Variants in ARL6IP4 observed in about 807,000 individuals in gnomAD.
ARL6IP4 encodes the protein ADP-ribosylation factor-like protein 6-interacting protein 4.
A neutral mutation model predicts 28.1 loss-of-function variants in ARL6IP4; 24 were observed. The ratio of observed to expected loss-of-function variants is 0.86; its 90% CI spans 0.62 to 1.20. The LOEUF is 1.20. Among genes scored for constraint, ARL6IP4 ranks in the 50% most tolerant of loss-of-function variants. The pLI is 0.00. For synonymous variants in ARL6IP4, 162 were observed against 122.3 expected (o/e 1.32, Z -2.14); for missense variants, 343 against 302.4 (o/e 1.13, Z -1.00).
At chr12:122,981,440 G>T in intron 2 of ARL6IP4, 131 bp from the exon 3 acceptor site, 1 of 1,368,948 alleles carries the variant, frequency 7.3e-7, no homozygotes, top group South Asian at 1.5e-5. Context: ...AGCCAGGAAG[G>T]GGCTCCTCTG....
In ARL6IP4 at chr12:122,981,319, G is replaced by C; in HGVS notation, c.160+20G>C. On this transcript the variant is annotated intron_variant, in intron 2 of 5. Transcript: ENST00000315580. ...CGGAGGGTGAGGACCACAGGCATCG[G>C]GGAGAGGAGGCGCAGTTACTACCCG... The C allele has an allele frequency of 1.3e-6, 2 of 1,534,058 alleles. No individual in the cohort carries two copies. Among genetic ancestry groups the C allele is most frequent in the Non-Finnish European group, 1.8e-6 (2 of 1,137,556 alleles).
Position 122,982,656 on chromosome 12 carries a change from C to A in ARL6IP4, c.694C>A (p.Arg232=), listed in dbSNP as rs547980550. The A allele has an allele frequency of 1.2e-6, 2 of 1,613,978 alleles. No individual in the cohort carries two copies. Among genetic ancestry groups the A allele is most frequent in the Admixed American group, 1.7e-5 (1 of 60,034 alleles). ...AGGGGACTGCCTGGCCTTCCAGATG[C>A]GAGCTGGGTTGCTTCCCTGAGGGCC... ...TRGDCLAFQM[R]AGLLP is the part of the protein sequence containing the mutation. Residue 232 remains arginine, a synonymous_variant, in exon 6 of 6, where the codon CGA becomes AGA. Coordinates refer to ENST00000315580, the MANE Select transcript of ARL6IP4 (RefSeq NM_018694.4).
chr12:122,980,568 G>A, upstream of ARL6IP4: 2 of 1,367,216 alleles, frequency 1.5e-6, no homozygotes. Flanking sequence ...GCCCCTGCTT[G>A]CCTCTGCGGG....
At chr12:122,980,251 C>G, upstream of ARL6IP4, 3 of 1,236,988 alleles carry the variant, frequency 2.4e-6, no homozygotes, top group Non-Finnish European at 3.0e-6. Flanking sequence ...GGCTTCCTTC[C>G]GGATGGGCCT....
intron 4 of ARL6IP4, 152 bp downstream of exon 4, chr12:122,982,226 C>T (rs1260622735): frequency 2.1e-6 from 2 of 946,028 alleles, no homozygotes; most frequent in Non-Finnish European, 1.6e-6. Flanking sequence ...TAAGTAGTTG[C>T]AGGGGCTGGA....
rs775081203 is a variant in ARL6IP4 at position 122,981,640 on chromosome 12, C to T, written c.230C>T (p.Ser77Phe). 4.5e-6 allele frequency: 7 copies of T among 1,559,722 alleles called. No homozygotes were observed. Among genetic ancestry groups the T allele is most frequent in the Admixed American group, 3.8e-5 (2 of 52,806 alleles). ...KARRRTRSSS[S>F]SSSSSSSSSS... ...CGGAGGAGAACAAGATCCAGCTCCTCCTCCTCTTCTTCCAGTTCTTCTAGC... is the reference window on the plus strand; with the variant it reads ...CGGAGGAGAACAAGATCCAGCTCCTTCTCCTCTTCTTCCAGTTCTTCTAGC... The change falls in exon 3 of 6, where the codon TCC becomes TTC. Residue 77 changes from serine to phenylalanine, a missense_variant. Physicochemically the swap from Ser to Phe is radical, Grantham distance 155. Transcript: ENST00000315580.
chr12:122,981,039 C>T (rs2037622650), intron 1 of ARL6IP4, 90 bp from the exon 2 acceptor site: 2 of 1,437,516 alleles, frequency 1.4e-6, no homozygotes, highest in Non-Finnish European at 1.8e-6. Flanking sequence ...CTGGGCGTCG[C>T]CAGGCCCCGG....
chr12:122,982,899 C>T lies in ARL6IP4; in HGVS notation c.*223C>T, dbSNP rs2037762560. The T allele has an allele frequency of 3.3e-6, 2 of 599,812 alleles. No individual in the cohort carries two copies. The highest frequency in any genetic ancestry group is 2.8e-5 in the East Asian group (1 of 36,162). The allele number at this position is 599,812 out of a possible 1,614,324, so 37.2% of individuals were successfully genotyped here. A position where few individuals can be genotyped will look rare whatever the true frequency, so the allele number is the denominator to read the frequency against. On this transcript the variant is annotated 3_prime_UTR_variant, in exon 6 of 6. Coordinates refer to ENST00000315580, the MANE Select transcript of ARL6IP4 (RefSeq NM_018694.4). ...AGCACTTCTCAGCTATTAAAGGCCC[C>T]CTGGATAGACTTTCTCTGTTCTGTG...
chr12:122,982,214 AG>A, intron 4 of ARL6IP4, 140 bp downstream of exon 4: 1 of 1,002,196 alleles, frequency 1.0e-6, no homozygotes, highest in African/African-American at 1.6e-5. Flanking sequence ...GGTCACTTGG[AG>A]TAAGTAGTTG....
chr12:122,981,520 C>T, intron 2 of ARL6IP4, 51 bp from the exon 3 acceptor site: 2 of 1,477,580 alleles, frequency 1.4e-6, no homozygotes, highest in Non-Finnish European at 1.8e-6. Flanking sequence ...GTGCCTGCCC[C>T]AGGCCAGAGC....
At chr12:122,980,520 GAC>G (rs758547682), upstream of ARL6IP4, 4 of 1,365,312 alleles carry the variant, frequency 2.9e-6, no homozygotes, top group African/African-American at 4.5e-5. Flanking sequence ...AGCTTCGGCA[GAC>G]ACAGGCGTGA....
chr12:122,980,833 G>A, intron 1 of ARL6IP4, 88 bp downstream of exon 1: 2 of 1,327,864 alleles, frequency 1.5e-6, no homozygotes, highest in Non-Finnish European at 1.9e-6. Flanking sequence ...GCGGGAAAGC[G>A]CCCCAGACGC....
At chr12:122,981,038 G>A in intron 1 of ARL6IP4, 91 bp from the exon 2 acceptor site, 4 of 1,434,640 alleles carry the variant, frequency 2.8e-6, no homozygotes, top group Non-Finnish European at 9.1e-7. Flanking sequence ...ACTGGGCGTC[G>A]CCAGGCCCCG....
Position 122,982,790 on chromosome 12 carries a change from C to G in ARL6IP4, c.*114C>G, listed in dbSNP as rs1388280857. 5 of 1,147,778 alleles carry G rather than the reference C, an allele frequency of 4.4e-6. No homozygotes were observed. In the East Asian group the frequency reaches 7.5e-5, roughly 17 times the overall value. The allele number at this position is 1,147,778 out of a possible 1,614,324, so 71.1% of individuals were successfully genotyped here. ...GGTGGCCTTTCCCCCGTGGATTGGT[C>G]TCTGGCCCAGCCCAGTCTCTTCTCA... is the stretch of plus-strand genomic sequence containing the variant. On this transcript the variant is annotated 3_prime_UTR_variant, in exon 6 of 6. Transcript: ENST00000315580.
intron 4 of ARL6IP4, 120 bp downstream of exon 4, chr12:122,982,194 G>C (rs1330163778): frequency 8.8e-7 from 1 of 1,137,216 alleles, no homozygotes; most frequent in African/African-American, 1.5e-5. Context: ...CCAAATGTGG[G>C]CAAAAATACG....
Position 122,982,438 on chromosome 12 carries a change from C to T in ARL6IP4, c.588-31C>T, listed in dbSNP as rs779738602. ...TCTGGCATTAGGGGACCTGCCTATT[C>T]CTTGCTGAACGGAGACCCTCCCACC... On this transcript the variant is annotated intron_variant, in intron 4 of 5. Transcript: ENST00000315580. The T allele has an allele frequency of 1.1e-5, 18 of 1,585,544 alleles. No homozygotes were observed. In the African/African-American group the frequency reaches 2.3e-4, roughly 20 times the overall value.
At chr12:122,980,483 C>T, upstream of ARL6IP4, 12 of 1,364,618 alleles carry the variant, frequency 8.8e-6, no homozygotes, top group Non-Finnish European at 1.1e-5. Flanking sequence ...GGGCGTGCGC[C>T]GAGAGGGCAG....
At chr12:122,980,351 A>G (rs2037585936), upstream of ARL6IP4, 1 of 1,308,142 alleles carries the variant, frequency 7.6e-7, no homozygotes, top group South Asian at 2.9e-5. Context: ...GGCGCGTCGG[A>G]AAGACCAGGG....
chr12:122,981,176 C>A lies in ARL6IP4; in HGVS notation c.37C>A (p.Arg13Ser). 1 of 1,549,646 alleles carries A rather than the reference C, an allele frequency of 6.5e-7. No homozygotes were observed. Among genetic ancestry groups the A allele is most frequent in the Non-Finnish European group, 8.7e-7 (1 of 1,146,704 alleles). The change falls in exon 2 of 6, where the codon CGC (arginine) becomes AGC (serine). Residue 13 changes from arginine (R) to serine (S), a missense_variant. By Grantham distance (110) the Arg-to-Ser change is moderately radical. Coordinates refer to ENST00000315580, the MANE Select transcript of ARL6IP4 (RefSeq NM_018694.4). ...HVGSRKRSRS[R>S]SRSRGRGSEK... Reference sequence around the variant, plus strand: ...CGGCTCCCGCAAGCGCTCGAGGAGTCGCAGCCGGTCCCGGGGACGGGGGTC... The same window carrying A: ...CGGCTCCCGCAAGCGCTCGAGGAGTAGCAGCCGGTCCCGGGGACGGGGGTC...
Sources: gnomAD v4.1 joint callset for allele counts on GRCh38, gnomAD v4.1.1 for gene constraint, MANE v1.5 for transcripts, NCBI Gene and HGNC (gene_info 2026-07-23, HGNC 2026-07-21) for gene names.